ST6GALNAC5: variants seen among roughly 807,000 people sequenced by gnomAD.
ST6GALNAC5 encodes alpha-N-acetylgalactosaminide alpha-2,6-sialyltransferase 5.
In ST6GALNAC5, 27 loss-of-function variants were observed where a neutral mutation model predicts 33.6. The ratio of observed to expected loss-of-function variants is 0.80; its 90% CI spans 0.59 to 1.11. The LOEUF (loss-of-function observed/expected upper bound fraction) is 1.11, where lower values mean the gene tolerates loss of function less well. Ranked by LOEUF, ST6GALNAC5 falls within the 50% of genes least tolerant of loss-of-function variation. The pLI is 0.00. For synonymous variants in ST6GALNAC5, 194 were observed against 171.2 expected (o/e 1.13, Z -1.04); for missense variants, 428 against 454.0 (o/e 0.94, Z 0.52).
At chr1:77,049,358 A>G (rs771719121) in intron 3 of ST6GALNAC5, among the ~76,000 whole-genome samples, 1 of 152,194 alleles carries the variant, frequency 6.6e-6, no homozygotes, top group African/African-American at 2.4e-5. Flanking sequence ...CTAATGAGGC[A>G]TGCCGTAAGT....
intron 2 of ST6GALNAC5, among the ~76,000 whole-genome samples, chr1:76,940,738 T>C (rs1273902899): frequency 6.6e-6 from 1 of 152,036 alleles, no homozygotes; most frequent in Admixed American, 6.6e-5. Context: ...TGACAGTAAG[T>C]AATATCCACA....
At chr1:76,890,922 G>A (rs977395813) in intron 2 of ST6GALNAC5, among the ~76,000 whole-genome samples, 1 of 152,078 alleles carries the variant, frequency 6.6e-6, no homozygotes, top group African/African-American at 2.4e-5. Context: ...ATATTGAGAG[G>A]TTGGCAGCAA....
intron 2 of ST6GALNAC5, among the ~76,000 whole-genome samples, chr1:76,918,196 G>A (rs969238261): frequency 6.6e-6 from 1 of 152,116 alleles, no homozygotes; most frequent in African/African-American, 2.4e-5. Flanking sequence ...AGCTGATAAT[G>A]TGCCTGAAAT....
Position 77,062,924 on chromosome 1 carries a change from A to G in ST6GALNAC5, c.780-51A>G, listed in dbSNP as rs572853904. ...ATAACATCTTACCTCAATCAGTCAA[A>G]GGAAAAAAAATTTTTTTGCTTTAAT... On this transcript the variant is annotated intron_variant, in intron 4 of 4. Coordinates refer to ENST00000477717, the MANE Select transcript of ST6GALNAC5 (RefSeq NM_030965.3). 6 of 1,484,852 alleles carry G rather than the reference A, an allele frequency of 4.0e-6. No individual in the cohort carries two copies. The African/African-American group carries it at 5.6e-5, about 14-fold the overall frequency. 92.0% of individuals were successfully genotyped at this position (1,484,852 alleles called of 1,614,324 possible).
intron 2 of ST6GALNAC5, among the ~76,000 whole-genome samples, chr1:76,990,968 C>T (rs1649702020): frequency 3.3e-5 from 5 of 152,064 alleles, no homozygotes; most frequent in African/African-American, 2.4e-5. Flanking sequence ...TGGAAAGGAG[C>T]TTCAGCCTTC....
chr1:77,009,944 T>C (rs779442455), intron 2 of ST6GALNAC5, among the ~76,000 whole-genome samples: 4 of 152,212 alleles, frequency 2.6e-5, no homozygotes, highest in Non-Finnish European at 5.9e-5. Context: ...AATGAAGTTG[T>C]CAGCCTAGTG....
chr1:77,017,486 G>A (rs1042714997), intron 2 of ST6GALNAC5, among the ~76,000 whole-genome samples: 5 of 152,292 alleles, frequency 3.3e-5, no homozygotes, highest in Non-Finnish European at 7.4e-5. Flanking sequence ...CTCTCTGCAC[G>A]TCAGGGCTGC....
At chr1:76,978,472 A>G (rs925251492) in intron 2 of ST6GALNAC5, among the ~76,000 whole-genome samples, 1 of 152,240 alleles carries the variant, frequency 6.6e-6, no homozygotes, top group Non-Finnish European at 1.5e-5. Flanking sequence ...ATGGTTCAAT[A>G]TATGGAAGTT....
chr1:76,908,316 G>A (rs1385750516), intron 2 of ST6GALNAC5, among the ~76,000 whole-genome samples: 1 of 152,030 alleles, frequency 6.6e-6, no homozygotes, highest in Non-Finnish European at 1.5e-5. Flanking sequence ...CATGGATGGG[G>A]GCTTCTCACT....
chr1:76,868,859 G>A lies in ST6GALNAC5; in HGVS notation c.261+117G>A. 1.4e-6 allele frequency: 2 copies of A among 1,407,374 alleles called. No homozygotes were observed. Among genetic ancestry groups the A allele is most frequent in the Non-Finnish European group, 1.8e-6 (2 of 1,082,518 alleles). 87.2% of individuals were successfully genotyped at this position (1,407,374 alleles called of 1,614,324 possible). On this transcript the variant is annotated intron_variant, in intron 2 of 4. Transcript: ENST00000477717. This position sits in a 1 kb window ranked among gnomAD's most constrained non-coding sequence, Gnocchi z 4.3. ...GAGTAGGTGCCGTTCGAAGGCTGGA[G>A]GGGAGTGGACCCGCTGGGGTAGGGT... is the stretch of plus-strand genomic sequence containing the variant.
intron 2 of ST6GALNAC5, among the ~76,000 whole-genome samples, chr1:76,917,808 C>A (rs1646990789): frequency 6.6e-6 from 1 of 152,044 alleles, no homozygotes; most frequent in Non-Finnish European, 1.5e-5. Context: ...AGGCTGAAGA[C>A]CCAAGAAGAG....
At chr1:76,938,715 A>G (rs879479516) in intron 2 of ST6GALNAC5, among the ~76,000 whole-genome samples, 3 of 152,076 alleles carry the variant, frequency 2.0e-5, no homozygotes, top group African/African-American at 4.8e-5. Context: ...AGATAATGCA[A>G]TTCACCAAGT....
At position 76,923,558 on chromosome 1, in the gene ST6GALNAC5, C is replaced by T. The variant is rs368083350; in HGVS notation, c.261+54816C>T. Among the ~76,000 whole-genome samples, 57 of 151,802 alleles carry T rather than the reference C, an allele frequency of 3.8e-4. No individual in the cohort carries two copies. The East Asian group carries it at 8.0e-3, about 21-fold the overall frequency. On this transcript the variant is annotated intron_variant, in intron 2 of 4. Transcript: ENST00000477717. ...AAATACAAAAATTAGCCAGGTGTGG[C>T]GGCAGGTAGCTGTAATCTCAGCTAC...
chr1:76,927,156 ATTTTAACACC>A (rs987846580), intron 2 of ST6GALNAC5, among the ~76,000 whole-genome samples: 1 of 152,066 alleles, frequency 6.6e-6, no homozygotes, highest in African/African-American at 2.4e-5. Context: ...TTATGTATAT[ATTTTAACACC>A]TTCAAATAAC....
In ST6GALNAC5 at chr1:77,044,388, T is replaced by A. The variant is rs1369662596; in HGVS notation, c.446T>A (p.Ile149Asn). 6.2e-7 allele frequency: 1 copy of A among 1,613,596 alleles called. No individual in the cohort carries two copies. Among genetic ancestry groups the A allele is most frequent in the Non-Finnish European group, 8.5e-7 (1 of 1,179,824 alleles). Residue 149 changes from isoleucine (I) to asparagine (N), a missense_variant, in exon 3 of 5, where the codon ATC (isoleucine) becomes AAC (asparagine). Physicochemically the swap from Ile to Asn is moderately radical, Grantham distance 149. Transcript: ENST00000477717. ...TSLRVIAHSS[I>N]QRILRNRHDL... ...CTGAGGGTCATCGCGCATTCCAGCA[T>A]CCAGAGGATCCTCCGCAACCGCCAT...
intron 2 of ST6GALNAC5, among the ~76,000 whole-genome samples, chr1:76,882,435 C>A (rs75528451): frequency 6.6e-6 from 1 of 152,090 alleles, no homozygotes; most frequent in African/African-American, 2.4e-5. Flanking sequence ...TTGACTCCCC[C>A]CAAATTCTGA....
chr1:76,989,496 C>T (rs1055181194), intron 2 of ST6GALNAC5, among the ~76,000 whole-genome samples: 3 of 151,564 alleles, frequency 2.0e-5, no homozygotes, highest in African/African-American at 4.8e-5. Context: ...TAATATTTTA[C>T]AGAAGGATAT....
chr1:76,958,990 A>ACTGCCTCCTCCT (rs1157194754), intron 2 of ST6GALNAC5, among the ~76,000 whole-genome samples: 2 of 152,168 alleles, frequency 1.3e-5, no homozygotes, highest in East Asian at 1.9e-4. Flanking sequence ...GCTAGGCCTC[A>ACTGCCTCCTCCT]CTGCCTCCTC....
At chr1:76,954,818 T>G (rs1647890826) in intron 2 of ST6GALNAC5, among the ~76,000 whole-genome samples, 1 of 152,176 alleles carries the variant, frequency 6.6e-6, no homozygotes, top group South Asian at 2.1e-4. Flanking sequence ...CAAATGGAGC[T>G]GGGTCTGAAC....
Sources: gnomAD v4.1 joint callset for allele counts (sites outside exome capture counted in the v4.1 genomes callset) on GRCh38, gnomAD v4.1.1 for gene constraint, Gnocchi (gnomAD v3.1) non-coding constraint, MANE v1.5 for transcripts, NCBI Gene and HGNC (gene_info 2026-07-23, HGNC 2026-07-21) for gene names.